The following ZEB1 variants were observed in gnomAD, a reference collection of about 807,000 sequenced individuals.
The protein encoded by ZEB1 is zinc finger E-box-binding homeobox 1.
A neutral mutation model predicts 84.9 loss-of-function variants in ZEB1; 21 were observed. The observed-to-expected ratio is 0.25, with a 90% confidence interval of 0.18 to 0.36. ZEB1 has a LOEUF of 0.36. Ranked by LOEUF, ZEB1 falls within the 10% of genes least tolerant of loss-of-function variation. ZEB1 has a pLI of 1.00. For synonymous variants in ZEB1, 420 were observed against 471.1 expected, an observed-to-expected ratio of 0.89 and a Z score of 1.41; for missense variants, 1,104 against 1,330.2, an observed-to-expected ratio of 0.83 and a Z score of 2.65.
At chr10:31,450,178 A>C (rs541142776) in intron 1 of ZEB1, among the ~76,000 whole-genome samples, 76 of 152,386 alleles carry the variant, frequency 5.0e-4, no homozygotes, top group African/African-American at 1.8e-3. Flanking sequence ...TATTTATGAC[A>C]CAAAATCATT....
chr10:31,444,878 G>T (rs2059554801), intron 1 of ZEB1, among the ~76,000 whole-genome samples: 1 of 151,944 alleles, frequency 6.6e-6, no homozygotes, highest in Non-Finnish European at 1.5e-5. Context: ...TTTGGCTTAG[G>T]ATTGACTTGG....
At chr10:31,515,420 A>G (rs994655833) in intron 6 of ZEB1, among the ~76,000 whole-genome samples, 2 of 152,072 alleles carry the variant, frequency 1.3e-5, no homozygotes, top group African/African-American at 2.4e-5. Flanking sequence ...AAATCTGTTC[A>G]TCTCCTGATA....
chr10:31,491,134 A>G (rs1357351273), intron 2 of ZEB1, among the ~76,000 whole-genome samples: 1 of 151,700 alleles, frequency 6.6e-6, no homozygotes. Context: ...CTCTTTCATG[A>G]TCTCAGTACT....
chr10:31,319,384 G>T, intron 1 of ZEB1, 92 bp downstream of exon 1: 1 of 1,255,088 alleles, frequency 8.0e-7, no homozygotes, highest in Non-Finnish European at 1.1e-6. Context: ...GCCGGGCTGG[G>T]GGCAGCCGGG....
chr10:31,329,647 A>G (rs75904723), intron 1 of ZEB1, among the ~76,000 whole-genome samples: 4,775 of 152,244 alleles, frequency 0.031, 93 homozygotes, highest in Non-Finnish European at 0.05. Context: ...AACTGCTTGT[A>G]ACAAACATTT....
At chr10:31,458,006 A>T (rs1306464389) in intron 1 of ZEB1, among the ~76,000 whole-genome samples, 4 of 152,144 alleles carry the variant, frequency 2.6e-5, no homozygotes, top group African/African-American at 9.7e-5. Flanking sequence ...CCAACTCAAG[A>T]TACCAAAGAT....
rs1565244356 is a variant in ZEB1, at chr10:31,527,418, C to CAG, written c.*155_*156insGA. On this transcript the variant is annotated 3_prime_UTR_variant, in exon 9 of 9. Coordinates refer to ENST00000424869, the MANE Select transcript of ZEB1 (RefSeq NM_001174096.2). ...AAAAAAATACAAAATACAAAACACA[C>CAG]ACACACACACACACACACACACACA... 2.1e-6 allele frequency: 1 copy of CAG among 487,048 alleles called. No homozygotes were observed. Among genetic ancestry groups the CAG allele is most frequent in the Non-Finnish European group, 3.3e-6 (1 of 298,930 alleles). The allele number at this position is 487,048 out of a possible 1,614,324, so 30.2% of individuals were successfully genotyped here.
At chr10:31,362,770 C>T (rs752367076) in intron 1 of ZEB1, 23 of 648,234 alleles carry the variant, frequency 3.5e-5, no homozygotes, top group South Asian at 1.1e-4. Context: ...TCTCCTGATC[C>T]GCCCGCCTGG....
rs1165396925 is a variant in ZEB1, at chr10:31,361,801, G to A, written c.58+42509G>A. On this transcript the variant is annotated intron_variant, in intron 1 of 8. Coordinates refer to ENST00000424869, the MANE Select transcript of ZEB1 (RefSeq NM_001174096.2). ...GCACTCCTCACTTCACAGACAGGACGGCAGCAGGGCAGAGGCGCTCCTCAT... is the reference window on the plus strand; with the variant it reads ...GCACTCCTCACTTCACAGACAGGACAGCAGCAGGGCAGAGGCGCTCCTCAT... 9.3e-5 allele frequency among the ~76,000 whole-genome samples: 14 copies of A among 150,368 alleles called. No homozygotes were observed. In the East Asian group the frequency reaches 2.6e-3, roughly 28 times the overall value.
rs147873453 is a variant in ZEB1 at position 31,519,144 on chromosome 10, A to G, written c.794-982A>G. On this transcript the variant is annotated intron_variant, in intron 6 of 8. Transcript: ENST00000424869. Reference sequence around the variant, plus strand: ...TTGCAACCTGTACTTTGATGGGTGCAAGGGATAAATGGCAAACAAGCCTCA... The same window carrying G: ...TTGCAACCTGTACTTTGATGGGTGCGAGGGATAAATGGCAAACAAGCCTCA... Among the ~76,000 whole-genome samples the G allele has an allele frequency of 7.0e-3, 1,067 of 152,318 alleles. 12 individuals are homozygous for G. The highest frequency in any genetic ancestry group is 0.024 in the African/African-American group (978 of 41,582).
chr10:31,476,610 T>C (rs547851325), intron 2 of ZEB1, among the ~76,000 whole-genome samples: 105 of 152,038 alleles, frequency 6.9e-4, no homozygotes, highest in African/African-American at 2.4e-3. Context: ...CCTAACTCTT[T>C]CTGTGATACT....
intron 1 of ZEB1, 48 bp from the exon 2 acceptor site, chr10:31,460,989 T>C: frequency 1.4e-6 from 2 of 1,448,774 alleles, no homozygotes; most frequent in Non-Finnish European, 1.9e-6. Flanking sequence ...TAAAAACTGA[T>C]TGTTTTACTA....
chr10:31,498,602 C>T (rs111258841), intron 3 of ZEB1, among the ~76,000 whole-genome samples: 1 of 151,848 alleles, frequency 6.6e-6, no homozygotes, highest in African/African-American at 2.4e-5. Flanking sequence ...AGGATGTAAA[C>T]ATTATATACT....
intron 5 of ZEB1, among the ~76,000 whole-genome samples, chr10:31,512,420 G>A (rs927332684): frequency 1.3e-5 from 2 of 152,158 alleles, no homozygotes; most frequent in African/African-American, 4.8e-5. Flanking sequence ...ACTAAGGTCA[G>A]GAAGGAGCTG....
chr10:31,480,020 G>GA (rs1187522565), intron 2 of ZEB1, among the ~76,000 whole-genome samples: 2 of 151,836 alleles, frequency 1.3e-5, no homozygotes, highest in African/African-American at 4.8e-5. Flanking sequence ...TATAACTTTT[G>GA]AAACACCTGT....
intron 1 of ZEB1, among the ~76,000 whole-genome samples, chr10:31,436,144 T>G (rs1378991067): frequency 2.0e-5 from 3 of 152,140 alleles, no homozygotes; most frequent in Admixed American, 6.6e-5. Flanking sequence ...TCGCCATGTA[T>G]GGGAGTTTGG....
In ZEB1 at chr10:31,520,080, ATATG is replaced by A. The variant is rs1565198155; in HGVS notation, c.794-43_794-40del. 6.3e-7 allele frequency: 1 copy of A among 1,596,190 alleles called. No individual in the cohort carries two copies. The highest frequency in any genetic ancestry group is 2.3e-5 in the East Asian group (1 of 43,942). ...GGGAAATGAGGATACATAAAAATTT[ATATG>A]TAATAATTCAGTGAATATAATTTGT... On this transcript the variant is annotated intron_variant, in intron 6 of 8. Coordinates refer to ENST00000424869, the MANE Select transcript of ZEB1 (RefSeq NM_001174096.2). The surrounding 1 kb of genome is among the most constrained non-coding windows in gnomAD (Gnocchi z 5.1).
intron 2 of ZEB1, 29 bp from the exon 3 acceptor site, chr10:31,495,747 A>G (rs2067136623): frequency 2.5e-6 from 4 of 1,611,220 alleles, no homozygotes; most frequent in Non-Finnish European, 3.4e-6. Context: ...AACACTATAG[A>G]TCTATTTTAA....
chr10:31,344,245 C>T (rs561964589), intron 1 of ZEB1, among the ~76,000 whole-genome samples: 10 of 151,982 alleles, frequency 6.6e-5, no homozygotes, highest in African/African-American at 1.2e-4. Context: ...TTTTTAAAGT[C>T]AATAATTAGA....
Sources: allele counts gnomAD v4.1 joint callset (sites outside exome capture counted in the v4.1 genomes callset), GRCh38; gene constraint gnomAD v4.1.1; non-coding constraint Gnocchi (gnomAD v3.1); transcripts MANE v1.5; gene names NCBI Gene and HGNC (gene_info 2026-07-23, HGNC 2026-07-21).